PVT1: variants seen among roughly 807,000 people sequenced by gnomAD.
PVT1 encodes the protein CXCR4/PVT1 fusion.
chr8:127,889,111 C>T (rs1161566457), intron 2 of PVT1, among the ~76,000 whole-genome samples: 1 of 148,088 alleles, frequency 6.8e-6, no homozygotes, highest in Non-Finnish European at 1.5e-5. Flanking sequence ...CTCCTTCCTT[C>T]CCTCTCTCTC....
At chr8:128,005,613 C>G (rs1817237758) in intron 4 of PVT1, among the ~76,000 whole-genome samples, 1 of 152,138 alleles carries the variant, frequency 6.6e-6, no homozygotes, top group Non-Finnish European at 1.5e-5. Context: ...CCGGATGCAT[C>G]CAGTACTCTC....
intron 4 of PVT1, among the ~76,000 whole-genome samples, chr8:127,992,932 G>A (rs922506025): frequency 5.9e-5 from 9 of 152,134 alleles, no homozygotes; most frequent in Admixed American, 2.0e-4. Context: ...CCGGTCTTTC[G>A]CCACAAGGTA....
intron 4 of PVT1, among the ~76,000 whole-genome samples, chr8:127,992,939 G>T (rs1817060382): frequency 6.6e-6 from 1 of 152,222 alleles, no homozygotes; most frequent in Non-Finnish European, 1.5e-5. Context: ...TTCGCCACAA[G>T]GTATGTGTGT....
At chr8:128,002,449 GC>G (rs1482330347) in intron 4 of PVT1, among the ~76,000 whole-genome samples, 1 of 152,212 alleles carries the variant, frequency 6.6e-6, no homozygotes, top group Non-Finnish European at 1.5e-5. Flanking sequence ...AAACTAGGTT[GC>G]CCAAAACAAC....
chr8:127,852,069 C>G (rs1440521687), intron 2 of PVT1: 1 of 152,204 alleles, frequency 6.6e-6, no homozygotes, highest in African/African-American at 2.4e-5. Flanking sequence ...CTGGGTAGCC[C>G]ATACCCAGGC....
chr8:127,831,821 C>T (rs1483225118), intron 2 of PVT1, among the ~76,000 whole-genome samples: 2 of 152,242 alleles, frequency 1.3e-5, no homozygotes, highest in African/African-American at 2.4e-5. Flanking sequence ...TTGGCAAGAG[C>T]GCCTCATGGG....
At chr8:127,907,632 G>T (rs1393602200) in intron 3 of PVT1, among the ~76,000 whole-genome samples, 1 of 152,208 alleles carries the variant, frequency 6.6e-6, no homozygotes, top group Non-Finnish European at 1.5e-5. Context: ...AGACCGTATT[G>T]TCAGTGAATT....
At chr8:127,931,145 A>G (rs1206326516) in intron 3 of PVT1, among the ~76,000 whole-genome samples, 2 of 152,200 alleles carry the variant, frequency 1.3e-5, no homozygotes, top group Non-Finnish European at 2.9e-5. Flanking sequence ...GGCTCAAGCC[A>G]TCTGCCTACC....
At chr8:127,840,780 G>T (rs535408681) in intron 2 of PVT1, among the ~76,000 whole-genome samples, 133 of 152,366 alleles carry the variant, frequency 8.7e-4, no homozygotes, top group Non-Finnish European at 1.5e-3. Flanking sequence ...AGCTGGTCCT[G>T]TCCAACCAGG....
chr8:127,977,015 G>C (rs764678840), intron 3 of PVT1, among the ~76,000 whole-genome samples: 4 of 152,122 alleles, frequency 2.6e-5, no homozygotes, highest in South Asian at 2.1e-4. Flanking sequence ...TAGGCTAAAG[G>C]CATCAGTGTT....
intron 3 of PVT1, among the ~76,000 whole-genome samples, chr8:127,933,106 G>A (rs866797986): frequency 6.6e-6 from 1 of 151,694 alleles, no homozygotes; most frequent in Admixed American, 6.6e-5. Flanking sequence ...ATGGAGTTTC[G>A]CTCTTGTTGC....
At chr8:127,822,971 A>G (rs1814749397) in intron 2 of PVT1, among the ~76,000 whole-genome samples, 1 of 152,234 alleles carries the variant, frequency 6.6e-6, no homozygotes, top group African/African-American at 2.4e-5. Flanking sequence ...GATCATTCTA[A>G]CTGCTTTGAG....
chr8:128,045,910 C>T (rs181099415), intron 4 of PVT1, among the ~76,000 whole-genome samples: 1 of 152,254 alleles, frequency 6.6e-6, no homozygotes, highest in Admixed American at 6.5e-5. Context: ...ACCCCAGCTG[C>T]AAAGATTTTG....
intron 4 of PVT1, among the ~76,000 whole-genome samples, chr8:128,021,421 G>A (rs1586484841): frequency 6.7e-6 from 1 of 150,180 alleles, no homozygotes; most frequent in Admixed American, 6.7e-5. Context: ...AGCCTCCCGA[G>A]TAGCTGGGAC....
intron 2 of PVT1, among the ~76,000 whole-genome samples, chr8:127,881,504 G>A (rs941583243): frequency 6.6e-6 from 1 of 150,508 alleles, no homozygotes; most frequent in African/African-American, 2.4e-5. Flanking sequence ...AGGTTGGAGT[G>A]CAGTGGCACA....
At position 127,809,055 on chromosome 8, in the gene PVT1, A is replaced by G. The variant is rs1371963230; in HGVS notation, n.372+12984A>G. On this transcript the variant is annotated intron_variant and non_coding_transcript_variant, in intron 2 of 10. Transcript: ENST00000651587. ...AAAAAAAAAAAAAAAAAAAAAAAAA[A>G]GAAAGAAAAAAAAGAAAAAGAAAAG... Among the ~76,000 whole-genome samples the G allele has an allele frequency of 3.5e-4, 37 of 104,418 alleles. 1 individual carries two copies. In the South Asian group the frequency reaches 0.012, roughly 33 times the overall value. The allele number at this position is 104,418 out of a possible 152,430, so 68.5% of individuals were successfully genotyped here.
intron 3 of PVT1, among the ~76,000 whole-genome samples, chr8:127,984,614 G>A (rs928513409): frequency 1.5e-4 from 23 of 152,146 alleles, no homozygotes; most frequent in African/African-American, 5.1e-4. Context: ...GTTTTATGTT[G>A]TTGTTGTTTT....
intron 2 of PVT1, among the ~76,000 whole-genome samples, chr8:127,807,273 G>A (rs1814538617): frequency 6.6e-6 from 1 of 152,194 alleles, no homozygotes; most frequent in East Asian, 1.9e-4. Context: ...AGGGGAGTGG[G>A]CTGATTGTGA....
rs7014412 is a variant in PVT1, at chr8:127,824,065, C to T, written n.372+27994C>T. Among the ~76,000 whole-genome samples the T allele has an allele frequency of 4.2e-3, 646 of 152,176 alleles. 5 individuals carry two copies. Among genetic ancestry groups the T allele is most frequent in the African/African-American group, 0.014 (591 of 41,506 alleles). Reference sequence around the variant, plus strand: ...AAAATTAGCCATACATGGTGGAGTGCGCCTGTGGTCCTAGCTGAGGTGAGA... The same window carrying T: ...AAAATTAGCCATACATGGTGGAGTGTGCCTGTGGTCCTAGCTGAGGTGAGA... On this transcript the variant is annotated intron_variant and non_coding_transcript_variant, in intron 2 of 10. Transcript: ENST00000651587.
Sources: allele counts gnomAD v4.1 joint callset (sites outside exome capture counted in the v4.1 genomes callset), GRCh38; gene constraint gnomAD v4.1.1; transcripts MANE v1.5; gene names NCBI Gene and HGNC (gene_info 2026-07-23, HGNC 2026-07-21).